Variants in NT5DC3 observed in about 807,000 individuals in gnomAD.
NT5DC3 encodes 5'-nucleotidase domain containing 3.
Under a neutral mutation model 67.8 loss-of-function variants are expected in NT5DC3, and 42 were observed. The observed-to-expected ratio is 0.62, with a 90% CI of 0.48 to 0.80. NT5DC3 has a LOEUF of 0.80. Ranked by LOEUF, NT5DC3 falls within the 30% of genes least tolerant of loss-of-function variation. The pLI is 0.00. For synonymous variants in NT5DC3, 237 were observed against 255.6 expected (o/e 0.93, Z 0.69); for missense variants, 570 against 696.4 (o/e 0.82, Z 2.04).
At chr12:103,809,837 G>C (rs36034617) in intron 2 of NT5DC3, among the ~76,000 whole-genome samples, 39,094 of 152,010 alleles carry the variant, frequency 0.26, 5,657 homozygotes, top group East Asian at 0.59. Flanking sequence ...CTGGAAAAGC[G>C]CCAACAGGAC....
rs1176535135 is a variant in NT5DC3 at position 103,774,703 on chromosome 12, AAAG to A, written c.*3123_*3125del. The A allele has an allele frequency of 6.6e-6, 1 of 151,158 alleles. No individual in the cohort carries two copies. Among genetic ancestry groups the A allele is most frequent in the Non-Finnish European group, 1.5e-5 (1 of 67,732 alleles). The allele number at this position is 151,158 out of a possible 1,614,324, so 9.4% of individuals were successfully genotyped here. ...AAATCTCAAAAAAAAAAAAAAAAAA[AAAG>A]AGAAAAGAGTCATGACGAGGCCAGG... On this transcript the variant is annotated 3_prime_UTR_variant, in exon 14 of 14. Transcript: ENST00000392876.
chr12:103,792,091 A>T (rs1388396001), intron 9 of NT5DC3, among the ~76,000 whole-genome samples: 1 of 152,174 alleles, frequency 6.6e-6, no homozygotes, highest in Non-Finnish European at 1.5e-5. Context: ...AACCAGCCCC[A>T]TCATGGGACG....
the NT5DC3 span, among the ~76,000 whole-genome samples, chr12:103,754,634 AATG>A: frequency 6.6e-6 from 1 of 152,106 alleles, no homozygotes; most frequent in African/African-American, 2.4e-5. Flanking sequence ...CGATGAGAGC[AATG>A]ATGATATTAT....
chr12:103,838,756 TA>T (rs1464732732), intron 1 of NT5DC3, among the ~76,000 whole-genome samples: 3 of 152,108 alleles, frequency 2.0e-5, no homozygotes, highest in African/African-American at 7.2e-5. Context: ...TTTATGTACA[TA>T]CCATGAAATA....
intron 2 of NT5DC3, among the ~76,000 whole-genome samples, chr12:103,809,466 T>A (rs1886940006): frequency 6.6e-6 from 1 of 152,212 alleles, no homozygotes; most frequent in African/African-American, 2.4e-5. Context: ...ATGAGTCCGT[T>A]CTCACGCTGC....
intron 2 of NT5DC3, 37 bp downstream of exon 2, chr12:103,814,899 AG>A: frequency 1.3e-6 from 2 of 1,508,016 alleles, no homozygotes; most frequent in Non-Finnish European, 1.8e-6. Flanking sequence ...TAAGAGGAAA[AG>A]GGGAGGGAGA....
chr12:103,777,661 C>T lies in NT5DC3; in HGVS notation c.*168G>A. 1.3e-6 allele frequency: 1 copy of T among 762,420 alleles called. No homozygotes were observed. The highest frequency in any genetic ancestry group is 2.1e-6 in the Non-Finnish European group (1 of 487,762). 47.2% of individuals were successfully genotyped at this position (762,420 alleles called of 1,614,324 possible). On this transcript the variant is annotated 3_prime_UTR_variant, in exon 14 of 14. Transcript: ENST00000392876. Reference sequence around the variant, plus strand: ...GGGGAAAGGCTGGAGGGGTGGGCTGCTAGCTCCTGTCTTAACCATTGGGAG... The same window carrying T: ...GGGGAAAGGCTGGAGGGGTGGGCTGTTAGCTCCTGTCTTAACCATTGGGAG...
At chr12:103,803,216 G>A (rs893181623) in intron 4 of NT5DC3, among the ~76,000 whole-genome samples, 1 of 151,704 alleles carries the variant, frequency 6.6e-6, no homozygotes, top group Non-Finnish European at 1.5e-5. Context: ...ACAAATGAAT[G>A]CTCATTTAAG....
downstream of NT5DC3, chr12:103,766,262 C>G (rs1566090276): frequency 6.2e-7 from 1 of 1,613,854 alleles, no homozygotes; most frequent in Non-Finnish European, 8.5e-7. Context: ...ATGCCCTGCC[C>G]CCTTACAACC....
intron 5 of NT5DC3, among the ~76,000 whole-genome samples, chr12:103,797,308 A>G (rs1886361933): frequency 6.6e-6 from 1 of 151,918 alleles, no homozygotes; most frequent in Non-Finnish European, 1.5e-5. Context: ...CGTCTCTACT[A>G]AAAAATACAA....
At chr12:103,749,205 G>A in the NT5DC3 span, 19 of 1,533,424 alleles carry the variant, frequency 1.2e-5, no homozygotes, top group Admixed American at 1.1e-4. Context: ...CGTGGGCTTC[G>A]CTCCTCCTTG....
intron 1 of NT5DC3, among the ~76,000 whole-genome samples, chr12:103,823,602 G>C (rs1887575381): frequency 6.6e-6 from 1 of 152,010 alleles, no homozygotes; most frequent in Non-Finnish European, 1.5e-5. Flanking sequence ...TATACTTCAA[G>C]AATACTCCCA....
chr12:103,840,432 T>TCTCATC (rs1566137868), intron 1 of NT5DC3, among the ~76,000 whole-genome samples: 1 of 150,028 alleles, frequency 6.7e-6, no homozygotes, highest in Non-Finnish European at 1.5e-5. Flanking sequence ...TTCCATCCCA[T>TCTCATC]TCCATCCCAT....
intron 10 of NT5DC3, among the ~76,000 whole-genome samples, chr12:103,787,838 C>T (rs77409472): frequency 0.094 from 14,272 of 152,054 alleles, 914 homozygotes; most frequent in East Asian, 0.26. Flanking sequence ...TCGCCAATTC[C>T]CTGATGTTGG....
rs987202575 is a variant in NT5DC3 at position 103,792,931 on chromosome 12, C to T, written c.1019+233G>A. 7.2e-5 allele frequency among the ~76,000 whole-genome samples: 11 copies of T among 152,326 alleles called. 1 individual carries two copies. Among genetic ancestry groups the T allele is most frequent in the Admixed American group, 1.3e-4 (2 of 15,302 alleles). ...TGCCAATCATTTTCTTCAAGCCTAC[C>T]TCATGGGTCTGAAGTAGCTCAAGTT... On this transcript the variant is annotated intron_variant, in intron 9 of 13. Coordinates refer to ENST00000392876, the MANE Select transcript of NT5DC3 (RefSeq NM_001031701.3).
chr12:103,808,907 A>C (rs1313566116), intron 2 of NT5DC3, among the ~76,000 whole-genome samples: 1 of 152,234 alleles, frequency 6.6e-6, no homozygotes, highest in Non-Finnish European at 1.5e-5. Context: ...CACACTAGAC[A>C]CTTTCCATGA....
the NT5DC3 span, among the ~76,000 whole-genome samples, chr12:103,751,572 C>A: frequency 6.6e-6 from 1 of 152,096 alleles, no homozygotes; most frequent in Non-Finnish European, 1.5e-5. Context: ...AGGGGCACTT[C>A]CAAGCAGAAA....
At chr12:103,788,749 A>C in intron 10 of NT5DC3, 89 bp downstream of exon 10, 1 of 854,494 alleles carries the variant, frequency 1.2e-6, no homozygotes, top group Non-Finnish European at 2.0e-6. Flanking sequence ...TGTGCCAGGC[A>C]TACAGTAAGC....
At chr12:103,746,392 T>C in the NT5DC3 span, 4 of 531,532 alleles carry the variant, frequency 7.5e-6, no homozygotes, top group Middle Eastern at 8.6e-4. Flanking sequence ...ATTGCAGAGA[T>C]CATGTCTTAC....
Sources: allele counts gnomAD v4.1 joint callset (sites outside exome capture counted in the v4.1 genomes callset), GRCh38; gene constraint gnomAD v4.1.1; transcripts MANE v1.5; gene names NCBI Gene and HGNC (gene_info 2026-07-23, HGNC 2026-07-21).